CLASP1: variants seen among roughly 807,000 people sequenced by gnomAD.
CLASP1 encodes the protein CLIP-associating protein 1.
Under a neutral mutation model 192.3 loss-of-function variants are expected in CLASP1, and 38 were observed. The observed-to-expected ratio is 0.20, with a 90% confidence interval of 0.15 to 0.26. The LOEUF (loss-of-function observed/expected upper bound fraction) is 0.26. Ranked by LOEUF, CLASP1 falls within the 10% of genes least tolerant of loss-of-function variation. CLASP1 has a pLI of 1.00. For missense variants in CLASP1, 1,433 were observed against 1,932.5 expected, an observed-to-expected ratio of 0.74 and a Z score of 4.85; for synonymous variants, 691 against 712.8, an observed-to-expected ratio of 0.97 and a Z score of 0.49.
chr2:121,636,085 T>C lies in CLASP1; in HGVS notation c.-286+13287A>G, dbSNP rs1469106274. Among the ~76,000 whole-genome samples the C allele has an allele frequency of 2.0e-5, 3 of 152,036 alleles. No individual in the cohort carries two copies. In the East Asian group the frequency reaches 5.8e-4, roughly 29 times the overall value. ...CGGGCATGGTGGCTCATGCCTGTAA[T>C]CCCAGCACTTTGGGAGGCTAAGGCA... On this transcript the variant is annotated intron_variant, in intron 1 of 39. Coordinates refer to ENST00000263710, the Ensembl canonical transcript of CLASP1.
At chr2:121,564,342 T>C (rs976298789) in intron 2 of CLASP1, among the ~76,000 whole-genome samples, 9 of 152,208 alleles carry the variant, frequency 5.9e-5, no homozygotes, top group Non-Finnish European at 8.8e-5. Context: ...TTAACCTCTC[T>C]GGCCCAGCAC....
chr2:121,458,705 T>C (rs1026771615), intron 13 of CLASP1, 135 bp downstream of exon 13: 18 of 631,704 alleles, frequency 2.8e-5, no homozygotes, highest in African/African-American at 2.7e-4. Context: ...ATGATATATA[T>C]ACAAAATTCC....
At chr2:121,429,385 C>T (rs1304990801) in intron 20 of CLASP1, among the ~76,000 whole-genome samples, 1 of 152,146 alleles carries the variant, frequency 6.6e-6, no homozygotes, top group African/African-American at 2.4e-5. Flanking sequence ...CAGCTCTACT[C>T]GACATGCATA....
exon 40 of CLASP1, chr2:121,340,673 C>A: frequency 1.7e-6 from 1 of 583,776 alleles, no homozygotes; most frequent in African/African-American, 1.9e-5. Context: ...GCAATACAGG[C>A]CTTGCTTCCT....
chr2:121,530,045 C>A (rs994796309), intron 3 of CLASP1, among the ~76,000 whole-genome samples: 6 of 121,972 alleles, frequency 4.9e-5, no homozygotes, highest in Non-Finnish European at 8.3e-5. Flanking sequence ...GGGAAGGCAG[C>A]GGGGCGGCCG....
chr2:121,413,341 C>T (rs74339373), intron 23 of CLASP1, among the ~76,000 whole-genome samples: 7,816 of 152,176 alleles, frequency 0.051, 677 homozygotes, highest in African/African-American at 0.18. Flanking sequence ...ATACCAGACT[C>T]GGTGAATTGG....
At position 121,605,882 on chromosome 2, in the gene CLASP1, A is replaced by C. The variant is rs546504890; in HGVS notation, c.14T>G (p.Met5Arg). The C allele has an allele frequency of 3.7e-6, 6 of 1,613,896 alleles. No homozygotes were observed. In the Admixed American group the frequency reaches 1.0e-4, roughly 27 times the overall value. Residue 5 changes from methionine to arginine, a missense_variant, in exon 2 of 40, where the codon ATG (methionine) becomes AGG (arginine). Met to Arg is a moderately conservative substitution (Grantham distance 91, BLOSUM62 -1). Transcript: ENST00000263710. Reference sequence around the variant, plus strand: ...CAACACCTGCGCCAGGCAGGACTCCATGCGAGGCTCCATAGTGGAATTCAA... The same window carrying C: ...CAACACCTGCGCCAGGCAGGACTCCCTGCGAGGCTCCATAGTGGAATTCAA...
intron 8 of CLASP1, among the ~76,000 whole-genome samples, chr2:121,499,072 G>A (rs987741505): frequency 2.0e-5 from 3 of 152,136 alleles, no homozygotes; most frequent in African/African-American, 7.2e-5. Flanking sequence ...CTACTGCAAG[G>A]TATACAGCCA....
intron 19 of CLASP1, among the ~76,000 whole-genome samples, chr2:121,434,546 G>A (rs781748093): frequency 3.9e-5 from 6 of 152,150 alleles, no homozygotes; most frequent in Non-Finnish European, 8.8e-5. Context: ...GATTATAGGT[G>A]TGAGCCATTG....
At chr2:121,645,855 G>T (rs961077996) in intron 1 of CLASP1, among the ~76,000 whole-genome samples, 2 of 152,134 alleles carry the variant, frequency 1.3e-5, no homozygotes, top group African/African-American at 4.8e-5. Context: ...TCATTGTGTG[G>T]CAGTAATGGT....
intron 8 of CLASP1, among the ~76,000 whole-genome samples, chr2:121,497,584 T>C (rs897457471): frequency 5.9e-5 from 9 of 152,138 alleles, no homozygotes; most frequent in African/African-American, 1.9e-4. Context: ...AAGCACTGCC[T>C]GAGAAAGGAA....
exon 32 of CLASP1, chr2:121,387,216 T>G (rs1259093476): frequency 1.9e-6 from 3 of 1,600,674 alleles, no homozygotes; most frequent in African/African-American, 2.7e-5. Flanking sequence ...CCAATCGTAT[T>G]GCTTGGAGAG....
chr2:121,559,844 A>G (rs1575990881), intron 2 of CLASP1, among the ~76,000 whole-genome samples: 2 of 152,326 alleles, frequency 1.3e-5, no homozygotes, highest in East Asian at 3.9e-4. Context: ...TTTATAACTC[A>G]TGATATATAA....
intron 2 of CLASP1, among the ~76,000 whole-genome samples, chr2:121,595,905 TG>T (rs1184093828): frequency 1.3e-5 from 2 of 152,194 alleles, no homozygotes; most frequent in African/African-American, 4.8e-5. Flanking sequence ...AAGCACTACA[TG>T]GGCTTATATA....
At chr2:121,422,354 A>T (rs2079647545) in intron 22 of CLASP1, among the ~76,000 whole-genome samples, 1 of 152,208 alleles carries the variant, frequency 6.6e-6, no homozygotes, top group South Asian at 2.1e-4. Flanking sequence ...TAATTATTTC[A>T]AAGTATTTTA....
chr2:121,641,962 G>T (rs2072166429), intron 1 of CLASP1, among the ~76,000 whole-genome samples: 1 of 150,766 alleles, frequency 6.6e-6, no homozygotes, highest in Admixed American at 6.6e-5. Flanking sequence ...AGTTCGAGTA[G>T]CCTAGGCAAC....
At chr2:121,430,284 TG>T in intron 19 of CLASP1, 107 bp from the exon 20 acceptor site, 1 of 761,098 alleles carries the variant, frequency 1.3e-6, no homozygotes. Flanking sequence ...GCCAACTACA[TG>T]GGGAGCAACA....
At chr2:121,469,696 T>C in intron 9 of CLASP1, 112 bp downstream of exon 9, 1 of 987,644 alleles carries the variant, frequency 1.0e-6, no homozygotes, top group Non-Finnish European at 1.4e-6. Context: ...AGAAACCTGC[T>C]GCATATGGGG....
intron 1 of CLASP1, among the ~76,000 whole-genome samples, chr2:121,641,913 T>C (rs2072152538): frequency 6.6e-6 from 1 of 152,068 alleles, no homozygotes; most frequent in Admixed American, 6.6e-5. Context: ...CAGTCCCAGC[T>C]ACTCAGGAGG....
Sources: gnomAD v4.1 joint callset for allele counts (sites outside exome capture counted in the v4.1 genomes callset) on GRCh38, gnomAD v4.1.1 for gene constraint, MANE v1.5 for transcripts, NCBI Gene and HGNC (gene_info 2026-07-23, HGNC 2026-07-21) for gene names.